The following POLN variants were observed in gnomAD, a reference collection of about 807,000 sequenced individuals.
The protein encoded by POLN is DNA polymerase nu, also known as DNA polymerase N.
POLN carries 108 observed loss-of-function variants against 113.5 expected under a neutral mutation model. That is an observed-to-expected ratio of 0.95 (90% CI 0.81 to 1.12). POLN has a LOEUF of 1.12. Ranked by LOEUF, POLN falls within the 50% of genes most tolerant of loss-of-function variation. POLN has a pLI of 0.00. For synonymous variants in POLN, 386 were observed against 391.5 expected, an observed-to-expected ratio of 0.99 and a Z score of 0.17; for missense variants, 1,097 against 1,077.1, an observed-to-expected ratio of 1.02 and a Z score of -0.26.
At chr4:2,191,773 G>A (rs1203351198) in intron 7 of POLN, among the ~76,000 whole-genome samples, 1 of 152,158 alleles carries the variant, frequency 6.6e-6, no homozygotes, top group Admixed American at 6.5e-5. Context: ...ATCACATGAT[G>A]TTTGGGTTTT....
chr4:2,139,834 C>A (rs1206954176), intron 16 of POLN: 1 of 152,080 alleles, frequency 6.6e-6, no homozygotes, highest in African/African-American at 2.4e-5. Context: ...GCACTTATAT[C>A]ATTTATGTGG....
At chr4:2,080,899 G>A in intron 23 of POLN, 59 bp downstream of exon 23, 1 of 1,611,892 alleles carries the variant, frequency 6.2e-7, no homozygotes, top group Non-Finnish European at 8.5e-7. Context: ...CCCCGAGGGG[G>A]TCTTCCCACA....
At chr4:2,198,860 C>T (rs1299602392) in intron 5 of POLN, 143 bp from the exon 6 acceptor site, 9 of 789,568 alleles carry the variant, frequency 1.1e-5, no homozygotes, top group Admixed American at 3.1e-5. Context: ...CAATTGAGGG[C>T]CAAAAGCCAA....
At chr4:2,120,489 C>T (rs1234086837) in intron 19 of POLN, among the ~76,000 whole-genome samples, 1 of 151,840 alleles carries the variant, frequency 6.6e-6, no homozygotes, top group Non-Finnish European at 1.5e-5. Flanking sequence ...ACTTTATTAT[C>T]TATAGAGTGA....
At chr4:2,081,552 G>A (rs1369815153) in intron 22 of POLN, 81 bp downstream of exon 22, 27 of 1,332,170 alleles carry the variant, frequency 2.0e-5, no homozygotes, top group African/African-American at 7.2e-5. Flanking sequence ...AACAGTGATC[G>A]GTGGGTGCCA....
chr4:2,157,150 T>C (rs569202317), intron 15 of POLN, among the ~76,000 whole-genome samples: 2 of 152,276 alleles, frequency 1.3e-5, no homozygotes, highest in East Asian at 3.9e-4. Context: ...TGTGGGGAGC[T>C]TGGTGCGGGC....
chr4:2,091,268 G>C (rs184567287), intron 20 of POLN, among the ~76,000 whole-genome samples: 1 of 152,322 alleles, frequency 6.6e-6, no homozygotes, highest in East Asian at 1.9e-4. Context: ...ATGGCCAAGG[G>C]AGAATCCCTT....
chr4:2,177,254 G>T (rs994512851), intron 8 of POLN: 1 of 470,698 alleles, frequency 2.1e-6, no homozygotes, highest in Admixed American at 2.2e-5. Flanking sequence ...GCTGCACGAG[G>T]AGCCCCTAAA....
chr4:2,215,601 G>C (rs1050318692), intron 3 of POLN, among the ~76,000 whole-genome samples: 2 of 152,182 alleles, frequency 1.3e-5, no homozygotes, highest in African/African-American at 2.4e-5. Context: ...CTTGGGCAAA[G>C]AAGTTCTTTG....
At chr4:2,161,834 C>T (rs1187314011) in intron 13 of POLN, among the ~76,000 whole-genome samples, 1 of 152,166 alleles carries the variant, frequency 6.6e-6, no homozygotes, top group Non-Finnish European at 1.5e-5. Flanking sequence ...ATACACCAAT[C>T]AGCACCCTGT....
chr4:2,173,872 T>A, intron 11 of POLN, 83 bp downstream of exon 11: 1 of 1,282,578 alleles, frequency 7.8e-7, no homozygotes, highest in South Asian at 1.2e-5. Context: ...AAAAGGAGAA[T>A]CTACTCTAGA....
At chr4:2,110,965 G>C (rs1404808317) in intron 19 of POLN, among the ~76,000 whole-genome samples, 2 of 152,198 alleles carry the variant, frequency 1.3e-5, no homozygotes, top group Non-Finnish European at 2.9e-5. Context: ...CAATATCCTT[G>C]ATGAACATTG....
At chr4:2,194,022 T>C (rs1733517176) in intron 6 of POLN, among the ~76,000 whole-genome samples, 1 of 152,206 alleles carries the variant, frequency 6.6e-6, no homozygotes, top group Admixed American at 6.5e-5. Flanking sequence ...ATACTTACCA[T>C]GTGCCAGATA....
chr4:2,210,773 T>G (rs1455329012), intron 4 of POLN, among the ~76,000 whole-genome samples: 1 of 147,650 alleles, frequency 6.8e-6, no homozygotes, highest in African/African-American at 2.5e-5. Context: ...ATAAAAAAAT[T>G]AGCCGGGCAT....
rs1009018382 is a variant in POLN at position 2,242,036 on chromosome 4, G to A, written c.-284+15C>T. ...CCACACCCCTGCGCCCAGAACCGAGGCCCGCGTCAGTCACCTCAGGAAGTT... is the reference window on the plus strand; with the variant it reads ...CCACACCCCTGCGCCCAGAACCGAGACCCGCGTCAGTCACCTCAGGAAGTT... On this transcript the variant is annotated intron_variant, in intron 1 of 25. Transcript: ENST00000511885. 2 of 985,492 alleles carry A rather than the reference G, an allele frequency of 2.0e-6. No homozygotes were observed. Among genetic ancestry groups the A allele is most frequent in the African/African-American group, 1.7e-5 (1 of 57,258 alleles). The allele number at this position is 985,492 out of a possible 1,614,324, so 61.0% of individuals were successfully genotyped here. A position where few individuals can be genotyped will look rare whatever the true frequency, so the allele number is the denominator to read the frequency against.
At chr4:2,218,149 T>C (rs1374884244) in intron 3 of POLN, among the ~76,000 whole-genome samples, 1 of 151,352 alleles carries the variant, frequency 6.6e-6, no homozygotes, top group Non-Finnish European at 1.5e-5. Context: ...TAAAAAAAGG[T>C]GGCCAGGCGT....
In POLN at chr4:2,229,203, A is replaced by G. The variant is rs1261227484; in HGVS notation, c.29T>C (p.Phe10Ser). ...GGAGAGCGGTGTATTACAGAGATCA[A>G]AGCCTACCAATGCCTCATAATTTTC... is the stretch of plus-strand genomic sequence containing the variant. MENYEALVG[F>S]DLCNTPLSSV... is the part of the protein sequence containing the mutation. Residue 10 changes from phenylalanine (F) to serine (S), a missense_variant, in exon 3 of 26, where the codon TTT becomes TCT. By Grantham distance (155) the Phe-to-Ser change is radical. Transcript: ENST00000511885. 6.2e-7 allele frequency: 1 copy of G among 1,607,264 alleles called. No homozygotes were observed. Among genetic ancestry groups the G allele is most frequent in the Non-Finnish European group, 8.5e-7 (1 of 1,176,600 alleles).
chr4:2,219,339 T>A (rs1370832767), intron 3 of POLN, among the ~76,000 whole-genome samples: 2 of 152,184 alleles, frequency 1.3e-5, no homozygotes, highest in Non-Finnish European at 2.9e-5. Flanking sequence ...TGGCCACAGG[T>A]TTCCCTGGCG....
intron 16 of POLN, chr4:2,139,643 T>C (rs1242112809): frequency 1.3e-5 from 2 of 152,194 alleles, no homozygotes; most frequent in Non-Finnish European, 2.9e-5. Flanking sequence ...AGTATAAAGA[T>C]TTTAAAAGTT....
Sources: allele counts gnomAD v4.1 joint callset (sites outside exome capture counted in the v4.1 genomes callset), GRCh38; gene constraint gnomAD v4.1.1; transcripts MANE v1.5; gene names NCBI Gene and HGNC (gene_info 2026-07-23, HGNC 2026-07-21).